The following HERC4 variants were observed in gnomAD, a reference collection of about 807,000 sequenced individuals.
HERC4 encodes probable E3 ubiquitin-protein ligase HERC4.
In HERC4, 28 loss-of-function variants were observed where a neutral mutation model predicts 124.3. The ratio of observed to expected loss-of-function variants is 0.23; its 90% CI spans 0.17 to 0.31. HERC4 has a LOEUF of 0.31. Ranked by LOEUF, HERC4 falls within the 10% of genes least tolerant of loss-of-function variation. HERC4 has a pLI of 1.00. For missense variants in HERC4, 713 were observed against 1,229.3 expected (o/e 0.58, Z 6.28); for synonymous variants, 407 against 421.5 (o/e 0.97, Z 0.42).
At chr10:67,990,025 T>C (rs2036467810) in intron 14 of HERC4, among the ~76,000 whole-genome samples, 186 bp downstream of exon 14, 1 of 152,070 alleles carries the variant, frequency 6.6e-6, no homozygotes, top group African/African-American at 2.4e-5. Context: ...CATGTTTTTC[T>C]TTCAACAACT....
At chr10:67,973,513 T>C (rs2035379091) in intron 15 of HERC4, among the ~76,000 whole-genome samples, 1 of 152,176 alleles carries the variant, frequency 6.6e-6, no homozygotes, top group Admixed American at 6.5e-5. Flanking sequence ...AGTTGATACA[T>C]GGGGAAATAA....
chr10:67,980,769 T>C (rs2035883753), intron 15 of HERC4, among the ~76,000 whole-genome samples: 1 of 152,184 alleles, frequency 6.6e-6, no homozygotes, highest in African/African-American at 2.4e-5. Context: ...AGTTAAGGTG[T>C]AGAGTTTTCA....
Position 68,034,306 on chromosome 10 carries a change from C to T in HERC4, c.464-120G>A, listed in dbSNP as rs2039350144. On this transcript the variant is annotated intron_variant, in intron 5 of 24. Coordinates refer to ENST00000373700, the MANE Select transcript of HERC4 (RefSeq NM_015601.4). ...TATTATTTTGGGACATTCTGCCTATCATCAAAAGAATATAAATATTATTTT... is the reference window on the plus strand; with the variant it reads ...TATTATTTTGGGACATTCTGCCTATTATCAAAAGAATATAAATATTATTTT... 3.3e-5 allele frequency: 23 copies of T among 697,754 alleles called. No individual in the cohort carries two copies. In the South Asian group the frequency reaches 3.9e-4, roughly 12 times the overall value. The allele number at this position is 697,754 out of a possible 1,614,324, so 43.2% of individuals were successfully genotyped here.
intron 5 of HERC4, among the ~76,000 whole-genome samples, chr10:68,035,511 C>A (rs2039416483): frequency 6.6e-6 from 1 of 152,054 alleles, no homozygotes; most frequent in Non-Finnish European, 1.5e-5. Context: ...GTTCTATGCA[C>A]ATATAAATAG....
chr10:67,975,682 T>C (rs2035544345), intron 15 of HERC4, among the ~76,000 whole-genome samples: 1 of 152,180 alleles, frequency 6.6e-6, no homozygotes, highest in Admixed American at 6.5e-5. Flanking sequence ...TATATGACTG[T>C]CCAATTTGCT....
chr10:68,059,952 ATATTT>A (rs930294736), intron 3 of HERC4, among the ~76,000 whole-genome samples: 3 of 129,122 alleles, frequency 2.3e-5, no homozygotes, highest in Non-Finnish European at 3.1e-5. Context: ...ATATTATATT[ATATTT>A]TGTTTCTCTT....
At position 67,951,663 on chromosome 10, in the gene HERC4, G is replaced by A. The variant is rs150046476; in HGVS notation, c.2337+2932C>T. ...GGTGTCACTTTTCAATCCTTCATAT[G>A]ATTGCGTCTAGAGCTAAGGTAGGTC... is the stretch of plus-strand genomic sequence containing the variant. On this transcript the variant is annotated intron_variant, in intron 19 of 24. Transcript: ENST00000373700. 9.7e-4 allele frequency among the ~76,000 whole-genome samples: 147 copies of A among 152,216 alleles called. 2 individuals carry two copies. The East Asian group carries it at 0.026, about 27-fold the overall frequency.
At chr10:68,061,779 G>T (rs971440586) in intron 3 of HERC4, among the ~76,000 whole-genome samples, 2 of 148,312 alleles carry the variant, frequency 1.3e-5, no homozygotes, top group African/African-American at 5.0e-5. Flanking sequence ...TACTTGAAAG[G>T]CTGAAGCAGG....
intron 15 of HERC4, 36 bp downstream of exon 15, chr10:67,988,627 G>C: frequency 7.7e-7 from 1 of 1,303,150 alleles, no homozygotes; most frequent in Non-Finnish European, 1.1e-6. Context: ...TAATAGGAAT[G>C]GGGAAAGAGG....
At chr10:67,992,542 T>C in intron 10 of HERC4, 64 bp downstream of exon 10, 3 of 1,112,504 alleles carry the variant, frequency 2.7e-6, no homozygotes, top group Non-Finnish European at 3.9e-6. Flanking sequence ...ACATTAATAA[T>C]GGGTTTTTAA....
At chr10:68,010,334 A>C in intron 9 of HERC4, 1 of 936,880 alleles carries the variant, frequency 1.1e-6, no homozygotes, top group Non-Finnish European at 1.7e-6. Context: ...CTGGGGCACC[A>C]AAATGGGGCC....
At chr10:68,059,459 A>AATAATATTCTATATT (rs2040723104) in intron 3 of HERC4, among the ~76,000 whole-genome samples, 2 of 83,210 alleles carry the variant, frequency 2.4e-5, no homozygotes, top group African/African-American at 1.2e-4. Context: ...TATATATTAT[A>AATAATATTCTATATT]ATAATATTAT....
At position 67,922,214 on chromosome 10, in the gene HERC4, G is replaced by A. The variant is rs2030282951; in HGVS notation, c.*717C>T. 6.6e-6 allele frequency: 1 copy of A among 152,096 alleles called. No individual in the cohort carries two copies. The highest frequency in any genetic ancestry group is 1.5e-5 in the Non-Finnish European group (1 of 68,002). 9.4% of individuals were successfully genotyped at this position (152,096 alleles called of 1,614,324 possible). On this transcript the variant is annotated 3_prime_UTR_variant, in exon 25 of 25. Coordinates refer to ENST00000373700, the MANE Select transcript of HERC4 (RefSeq NM_015601.4). The stretch of plus-strand genomic sequence containing the variant: ...CAACTGTGGAGACAGAGTTCTTCCA[G>A]TACTAAATATTAATAAGTTCTCTGA...
At chr10:68,043,893 T>C (rs1282580426) in intron 4 of HERC4, among the ~76,000 whole-genome samples, 1 of 152,190 alleles carries the variant, frequency 6.6e-6, no homozygotes. Flanking sequence ...CTGCTTATTT[T>C]TTAATTGTGA....
chr10:67,947,879 C>T (rs1197108294), intron 19 of HERC4, among the ~76,000 whole-genome samples: 7 of 116,488 alleles, frequency 6.0e-5, no homozygotes, highest in East Asian at 2.6e-4. Flanking sequence ...TTAGCAGAGA[C>T]GGGGTTTCAC....
At chr10:67,932,474 A>G in intron 23 of HERC4, 123 bp downstream of exon 23, 1 of 733,824 alleles carries the variant, frequency 1.4e-6, no homozygotes, top group East Asian at 2.8e-5. Context: ...TTTGAAGGGT[A>G]GAGTGCTTTC....
intron 15 of HERC4, among the ~76,000 whole-genome samples, chr10:67,985,675 C>T (rs996678179): frequency 3.3e-5 from 5 of 152,174 alleles, no homozygotes. Flanking sequence ...ACGTGGAACT[C>T]GGAAACTACT....
intron 3 of HERC4, among the ~76,000 whole-genome samples, chr10:68,053,651 G>A (rs2040420371): frequency 6.6e-6 from 1 of 152,062 alleles, no homozygotes; most frequent in Admixed American, 6.6e-5. Flanking sequence ...AAAAAATGTG[G>A]CATTAAATAT....
intron 3 of HERC4, among the ~76,000 whole-genome samples, chr10:68,061,464 T>C (rs1306648561): frequency 7.8e-6 from 1 of 128,574 alleles, no homozygotes; most frequent in East Asian, 2.4e-4. Flanking sequence ...ACCCAGGAAG[T>C]GGAGCTTGCA....
Sources: gnomAD v4.1 joint callset for allele counts (sites outside exome capture counted in the v4.1 genomes callset) on GRCh38, gnomAD v4.1.1 for gene constraint, MANE v1.5 for transcripts, NCBI Gene and HGNC (gene_info 2026-07-23, HGNC 2026-07-21) for gene names.